The following GRM8 variants were observed in gnomAD, a reference collection of about 807,000 sequenced individuals.
The protein encoded by GRM8 is glutamate metabotropic receptor 8.
GRM8 carries 47 observed loss-of-function variants against 87.2 expected under a neutral mutation model. The observed-to-expected ratio is 0.54, with a 90% CI of 0.43 to 0.69. GRM8 has a LOEUF of 0.69. GRM8 is among the 30% of genes least tolerant of loss of function. GRM8 has a pLI of 0.00. For missense variants in GRM8, 1,019 were observed against 1,139.2 expected (o/e 0.89, Z 1.52); for synonymous variants, 396 against 404.5 (o/e 0.98, Z 0.25).
intron 7 of GRM8, among the ~76,000 whole-genome samples, chr7:126,721,795 C>A (rs992555774): frequency 1.3e-5 from 2 of 152,012 alleles, no homozygotes; most frequent in African/African-American, 4.8e-5. Context: ...TCTCTCTACC[C>A]CATTCTCCAA....
At chr7:126,829,404 T>C (rs1795135604) in intron 6 of GRM8, among the ~76,000 whole-genome samples, 1 of 132,800 alleles carries the variant, frequency 7.5e-6, no homozygotes, top group South Asian at 2.7e-4. Flanking sequence ...GGTGCATATA[T>C]ATTTAGGATA....
intron 2 of GRM8, among the ~76,000 whole-genome samples, chr7:127,152,049 A>C (rs1425235938): frequency 1.3e-5 from 2 of 152,110 alleles, no homozygotes; most frequent in Non-Finnish European, 2.9e-5. Context: ...GGAAACTGCT[A>C]TCTGTCCTTC....
intron 7 of GRM8, among the ~76,000 whole-genome samples, chr7:126,766,079 T>C (rs542200847): frequency 1.3e-5 from 2 of 152,274 alleles, no homozygotes; most frequent in South Asian, 4.1e-4. Context: ...CATTTATCAC[T>C]CTAAATTCTA....
chr7:126,467,537 T>C (rs998201925), intron 9 of GRM8, among the ~76,000 whole-genome samples: 1 of 152,060 alleles, frequency 6.6e-6, no homozygotes, highest in Non-Finnish European at 1.5e-5. Flanking sequence ...TGTGACAGTA[T>C]TTTAATTCTA....
At chr7:126,504,537 A>G (rs576378779) in intron 9 of GRM8, among the ~76,000 whole-genome samples, 1 of 152,154 alleles carries the variant, frequency 6.6e-6, no homozygotes, top group African/African-American at 2.4e-5. Flanking sequence ...CTTAAAACCT[A>G]TCTACTGGGT....
chr7:126,766,253 C>G (rs1818180638), intron 7 of GRM8, among the ~76,000 whole-genome samples: 1 of 152,104 alleles, frequency 6.6e-6, no homozygotes, highest in Non-Finnish European at 1.5e-5. Flanking sequence ...TACCAACTGT[C>G]TGATGAGCTT....
chr7:126,862,254 G>C (rs936038494), intron 6 of GRM8, among the ~76,000 whole-genome samples: 3 of 151,696 alleles, frequency 2.0e-5, no homozygotes, highest in African/African-American at 7.3e-5. Context: ...CCATTAATTT[G>C]ATGTTTTATA....
intron 6 of GRM8, among the ~76,000 whole-genome samples, chr7:126,900,799 C>G (rs959532399): frequency 1.3e-5 from 2 of 152,114 alleles, no homozygotes; most frequent in Admixed American, 1.3e-4. Context: ...TTTGCACCAC[C>G]GTGCCCGGCC....
intron 9 of GRM8, among the ~76,000 whole-genome samples, chr7:126,503,561 CTTTA>C (rs1478220724): frequency 6.6e-6 from 1 of 151,920 alleles, no homozygotes; most frequent in Non-Finnish European, 1.5e-5. Context: ...TATTGTGGTA[CTTTA>C]TTCATAAATC....
chr7:126,940,239 A>C (rs1023314574), intron 3 of GRM8, among the ~76,000 whole-genome samples: 1 of 152,198 alleles, frequency 6.6e-6, no homozygotes, highest in African/African-American at 2.4e-5. Flanking sequence ...TGGCTTATTT[A>C]ATCCATTGTT....
At position 126,904,572 on chromosome 7, in the gene GRM8, A is replaced by G; in HGVS notation, c.839T>C (p.Met280Thr). 1 of 1,613,860 alleles carries G rather than the reference A, an allele frequency of 6.2e-7. No homozygotes were observed. Among genetic ancestry groups the G allele is most frequent in the Non-Finnish European group, 8.5e-7 (1 of 1,179,750 alleles). The change falls in exon 4 of 11, where the codon ATG (methionine) becomes ACG (threonine). Residue 280 changes from methionine (M) to threonine (T), a missense_variant. Physicochemically the swap from Met to Thr is moderately conservative, Grantham distance 81. Coordinates refer to ENST00000339582, the MANE Select transcript of GRM8 (RefSeq NM_000845.3). ...LETPNARAVI[M>T]FANEDDIRRI... ...CCTGATGTCATCCTCATTGGCAAAC[A>G]TAATCACTGCTCGAGCATTAGGTGT...
At chr7:126,535,616 G>T (rs933148044) in intron 8 of GRM8, among the ~76,000 whole-genome samples, 2 of 152,178 alleles carry the variant, frequency 1.3e-5, no homozygotes, top group Non-Finnish European at 2.9e-5. Context: ...CTAGGAAAAA[G>T]GTAATAACTA....
chr7:126,678,048 C>G (rs755601643), intron 7 of GRM8, among the ~76,000 whole-genome samples: 1 of 152,204 alleles, frequency 6.6e-6, no homozygotes, highest in East Asian at 1.9e-4. Flanking sequence ...TGATGGTGTT[C>G]GCTTAGTGCA....
intron 7 of GRM8, among the ~76,000 whole-genome samples, chr7:126,755,261 C>T (rs918999614): frequency 2.6e-5 from 4 of 151,958 alleles, no homozygotes; most frequent in Admixed American, 6.6e-5. Context: ...AATGCCTTTC[C>T]TCTCCCTCAC....
At chr7:126,455,984 A>G (rs1339652434) in intron 9 of GRM8, among the ~76,000 whole-genome samples, 2 of 151,530 alleles carry the variant, frequency 1.3e-5, no homozygotes, top group East Asian at 3.9e-4. Context: ...GTTATCTTAG[A>G]GAAGTTTTGA....
chr7:127,183,093 G>T (rs1312611145), intron 2 of GRM8, among the ~76,000 whole-genome samples: 1 of 151,858 alleles, frequency 6.6e-6, no homozygotes, highest in African/African-American at 2.4e-5. Context: ...AAAGTAAAGG[G>T]ATAGAGCACA....
In GRM8 at chr7:127,150,090, C is replaced by T. The variant is rs575776322; in HGVS notation, c.511-43378G>A. Among the ~76,000 whole-genome samples the T allele has an allele frequency of 1.4e-3, 209 of 152,064 alleles. 2 individuals are homozygous for T. The highest frequency in any genetic ancestry group is 4.8e-3 in the African/African-American group (200 of 41,486). On this transcript the variant is annotated intron_variant, in intron 2 of 10. Transcript: ENST00000339582. ...ACATTAATTTGCTTCACTATAGTAA[C>T]CTTTTTACTATCCACATGTATCCCT...
chr7:126,592,970 T>C (rs1796830502), intron 8 of GRM8, among the ~76,000 whole-genome samples: 1 of 151,726 alleles, frequency 6.6e-6, no homozygotes, highest in African/African-American at 2.4e-5. Context: ...CATACAAAAA[T>C]CAGAGAACAA....
chr7:127,148,465 C>T (rs1204245190), intron 2 of GRM8, among the ~76,000 whole-genome samples: 1 of 151,376 alleles, frequency 6.6e-6, no homozygotes, highest in Non-Finnish European at 1.5e-5. Context: ...GCACTTTTGA[C>T]CAAATGGGCC....
Sources: gnomAD v4.1 joint callset for allele counts (sites outside exome capture counted in the v4.1 genomes callset) on GRCh38, gnomAD v4.1.1 for gene constraint, MANE v1.5 for transcripts, NCBI Gene and HGNC (gene_info 2026-07-23, HGNC 2026-07-21) for gene names.